NAT1: variants seen among roughly 807,000 people sequenced by gnomAD.
The protein encoded by NAT1 is N-acetyltransferase 1, also known as arylamine N-acetyltransferase 1.
For synonymous variants in NAT1, 144 were observed against 122.6 expected (o/e 1.17, Z -1.16); for missense variants, 400 against 339.2 (o/e 1.18, Z -1.41).
chr8:18,198,876 C>T lies in NAT1; in HGVS notation n.93-10905C>T, dbSNP rs545720426. Among the ~76,000 whole-genome samples the T allele has an allele frequency of 2.0e-5, 3 of 152,150 alleles. No homozygotes were observed. In the South Asian group the frequency reaches 6.2e-4, roughly 32 times the overall value. On this transcript the variant is annotated intron_variant and non_coding_transcript_variant, in intron 2 of 4. Transcript: ENST00000517441. ...TGAAAGTAAAACAACTTGAGTAGGA[C>T]TTGCAATTAGAGAAAAAAACTTTTC... is the stretch of plus-strand genomic sequence containing the variant.
chr8:18,173,422 C>T (rs911196049), intron 2 of NAT1, among the ~76,000 whole-genome samples: 3 of 152,094 alleles, frequency 2.0e-5, no homozygotes, highest in Non-Finnish European at 2.9e-5. Context: ...AAAAAACCTC[C>T]AACATATCAC....
chr8:18,178,030 G>A (rs976623990), intron 2 of NAT1, among the ~76,000 whole-genome samples: 1 of 152,034 alleles, frequency 6.6e-6, no homozygotes, highest in Non-Finnish European at 1.5e-5. Flanking sequence ...CTAACAAATG[G>A]TGCAATTAAT....
chr8:18,201,032 A>C (rs572852856), intron 2 of NAT1: 1 of 152,318 alleles, frequency 6.6e-6, no homozygotes, highest in South Asian at 2.1e-4. Flanking sequence ...ATAATGGGTA[A>C]TATGGATGCT....
intron 2 of NAT1, among the ~76,000 whole-genome samples, chr8:18,177,864 G>T (rs28513186): frequency 0.23 from 34,657 of 151,890 alleles, 4,217 homozygotes; most frequent in East Asian, 0.32. Context: ...GTGACTTTGG[G>T]CACCTTTTAT....
intron 2 of NAT1, among the ~76,000 whole-genome samples, chr8:18,171,157 G>A (rs1802082277): frequency 6.6e-6 from 1 of 152,130 alleles, no homozygotes; most frequent in African/African-American, 2.4e-5. Context: ...AGTCTGACTG[G>A]GTCAGACAGA....
chr8:18,204,702 C>A (rs1179589802), intron 2 of NAT1, among the ~76,000 whole-genome samples: 1 of 151,972 alleles, frequency 6.6e-6, no homozygotes, highest in African/African-American at 2.4e-5. Context: ...ATTAGTATTT[C>A]TAAGAGTTAA....
chr8:18,204,208 C>A (rs1803608812), intron 2 of NAT1, among the ~76,000 whole-genome samples: 1 of 151,696 alleles, frequency 6.6e-6, no homozygotes. Context: ...TCTCCCATAT[C>A]CTTTTTCTGT....
chr8:18,183,763 C>T (rs1000398944), intron 2 of NAT1, among the ~76,000 whole-genome samples: 7 of 152,268 alleles, frequency 4.6e-5, no homozygotes, highest in Non-Finnish European at 8.8e-5. Flanking sequence ...CATTCCTATT[C>T]TAAAAGGGAG....
intron 2 of NAT1, among the ~76,000 whole-genome samples, chr8:18,192,391 G>A (rs1563169865): frequency 6.6e-6 from 1 of 152,172 alleles, no homozygotes; most frequent in Non-Finnish European, 1.5e-5. Flanking sequence ...CACTGTTGGT[G>A]GGACTGTCAA....
intron 2 of NAT1, among the ~76,000 whole-genome samples, chr8:18,182,050 C>T (rs1401325698): frequency 6.6e-6 from 1 of 152,178 alleles, no homozygotes; most frequent in Non-Finnish European, 1.5e-5. Flanking sequence ...TCTCTCCTCT[C>T]TATGGTGCCT....
chr8:18,183,365 C>A (rs1415687221), intron 2 of NAT1, among the ~76,000 whole-genome samples: 1 of 152,154 alleles, frequency 6.6e-6, no homozygotes, highest in African/African-American at 2.4e-5. Flanking sequence ...TGGCTGTGGT[C>A]CCCCAAAACT....
chr8:18,170,850 C>T (rs960896506), intron 2 of NAT1: 1 of 152,026 alleles, frequency 6.6e-6, no homozygotes, highest in Non-Finnish European at 1.5e-5. Flanking sequence ...GTTCTGAGCT[C>T]TCCACGTTTA....
chr8:18,216,677 C>G (rs766194535), intron 1 of NAT1, among the ~76,000 whole-genome samples: 1 of 152,098 alleles, frequency 6.6e-6, no homozygotes, highest in Non-Finnish European at 1.5e-5. Flanking sequence ...TTGGAAGGGC[C>G]TGGCAAGAGA....
rs773929684 is a variant in NAT1, at chr8:18,176,655, C to T, written n.92+5916C>T. 2.9e-4 allele frequency among the ~76,000 whole-genome samples: 44 copies of T among 151,200 alleles called. No homozygotes were observed. The Middle Eastern group carries it at 0.014, about 47-fold the overall frequency. On this transcript the variant is annotated intron_variant and non_coding_transcript_variant, in intron 2 of 4. Coordinates refer to the NAT1 transcript ENST00000517441. Reference sequence around the variant, plus strand: ...ATTTTTGAAATCAGGAAATGTGATGCCTTCTACTTTGTTCTTTTTGCTCAA... The same window carrying T: ...ATTTTTGAAATCAGGAAATGTGATGTCTTCTACTTTGTTCTTTTTGCTCAA...
At chr8:18,213,547 T>C (rs2117355610) in intron 1 of NAT1, among the ~76,000 whole-genome samples, 1 of 152,236 alleles carries the variant, frequency 6.6e-6, no homozygotes, top group South Asian at 2.1e-4. Context: ...GACTTTTCAC[T>C]CTAACCAACC....
At chr8:18,217,844 G>C (rs1194708750) in intron 1 of NAT1, among the ~76,000 whole-genome samples, 1 of 152,176 alleles carries the variant, frequency 6.6e-6, no homozygotes, top group Admixed American at 6.5e-5. Context: ...GCAGGGGCTG[G>C]TGCAGGGAAT....
chr8:18,200,077 T>A (rs1253282885), intron 2 of NAT1, among the ~76,000 whole-genome samples: 3 of 152,224 alleles, frequency 2.0e-5, no homozygotes, highest in Non-Finnish European at 4.4e-5. Flanking sequence ...AAGGTAGCAC[T>A]GATTCACTGC....
At chr8:18,187,290 G>A (rs184654940) in intron 2 of NAT1, among the ~76,000 whole-genome samples, 27 of 152,258 alleles carry the variant, frequency 1.8e-4, no homozygotes, top group Admixed American at 1.7e-3. Flanking sequence ...AAACAGTGTG[G>A]TGCTTCCTTA....
intron 2 of NAT1, among the ~76,000 whole-genome samples, chr8:18,199,133 G>C (rs1803357560): frequency 6.6e-6 from 1 of 151,740 alleles, no homozygotes; most frequent in Non-Finnish European, 1.5e-5. Context: ...GACCAACATA[G>C]TAAAACCCTG....
Sources: gnomAD v4.1 joint callset for allele counts (sites outside exome capture counted in the v4.1 genomes callset) on GRCh38, gnomAD v4.1.1 for gene constraint, MANE v1.5 for transcripts, NCBI Gene and HGNC (gene_info 2026-07-23, HGNC 2026-07-21) for gene names.